GRM7: variants seen among roughly 807,000 people sequenced by gnomAD.
The protein encoded by GRM7 is glutamate metabotropic receptor 7.
Under a neutral mutation model 84.5 loss-of-function variants are expected in GRM7, and 35 were observed. That is an observed-to-expected ratio of 0.41 (90% confidence interval 0.32 to 0.55). The LOEUF (loss-of-function observed/expected upper bound fraction) is 0.55, where lower values mean the gene tolerates loss of function less well. GRM7 is among the 20% of genes least tolerant of loss of function. The pLI, the probability that GRM7 is intolerant of heterozygous loss-of-function variation, is 0.19. For missense variants in GRM7, 1,003 were observed against 1,194.6 expected (o/e 0.84, Z 2.36); for synonymous variants, 487 against 455.1 (o/e 1.07, Z -0.89).
chr3:6,868,824 A>C (rs775714368), intron 1 of GRM7, among the ~76,000 whole-genome samples: 9 of 152,138 alleles, frequency 5.9e-5, no homozygotes, highest in Non-Finnish European at 1.3e-4. Context: ...TTTCAGTTTA[A>C]TGGGTTATTT....
intron 6 of GRM7, among the ~76,000 whole-genome samples, chr3:7,454,012 G>A (rs975876274): frequency 6.6e-6 from 1 of 151,630 alleles, no homozygotes; most frequent in African/African-American, 2.4e-5. Context: ...TGTTTTCTGA[G>A]GCCTAAAGTG....
intron 3 of GRM7, 126 bp from the exon 4 acceptor site, chr3:7,306,372 C>T (rs1700194558): frequency 1.4e-6 from 1 of 731,492 alleles, no homozygotes; most frequent in African/African-American, 1.8e-5. Context: ...AATTCTTTAT[C>T]AAGTTTTTTG....
chr3:7,233,065 C>A (rs1437551455), intron 2 of GRM7, among the ~76,000 whole-genome samples: 1 of 152,086 alleles, frequency 6.6e-6, no homozygotes. Flanking sequence ...ACATTTAAAG[C>A]TATTACCAAG....
intron 1 of GRM7, among the ~76,000 whole-genome samples, chr3:7,072,111 G>C (rs1325505437): frequency 6.6e-6 from 1 of 152,052 alleles, no homozygotes; most frequent in Non-Finnish European, 1.5e-5. Context: ...CCAGGTGACC[G>C]TAATATGCCC....
chr3:7,573,886 T>C (rs572988009), intron 7 of GRM7, among the ~76,000 whole-genome samples: 1 of 152,336 alleles, frequency 6.6e-6, no homozygotes, highest in African/African-American at 2.4e-5. Flanking sequence ...TAAGAAGGTT[T>C]GCATGTACCA....
intron 2 of GRM7, among the ~76,000 whole-genome samples, chr3:7,230,317 T>C (rs1312884792): frequency 2.0e-5 from 3 of 152,194 alleles, no homozygotes; most frequent in Non-Finnish European, 4.4e-5. Context: ...ATCATGGATA[T>C]GCTTATTGTT....
intron 8 of GRM7, among the ~76,000 whole-genome samples, chr3:7,613,278 C>T (rs772785857): frequency 6.6e-6 from 1 of 152,170 alleles, no homozygotes; most frequent in East Asian, 1.9e-4. Context: ...AGATTTCCCT[C>T]CATAGCTGTT....
At chr3:7,099,462 AATAC>A (rs1456016775) in intron 1 of GRM7, among the ~76,000 whole-genome samples, 1 of 141,964 alleles carries the variant, frequency 7.0e-6, no homozygotes, top group Non-Finnish European at 1.5e-5. Flanking sequence ...TGTACATACA[AATAC>A]ATATACACAT....
chr3:6,893,274 G>T (rs1302813256), intron 1 of GRM7, among the ~76,000 whole-genome samples: 3 of 152,144 alleles, frequency 2.0e-5, no homozygotes, highest in Non-Finnish European at 2.9e-5. Flanking sequence ...TAACTCAGAA[G>T]CTCTGGGGTT....
chr3:6,955,150 G>A (rs1314406711), intron 1 of GRM7, among the ~76,000 whole-genome samples: 2 of 152,128 alleles, frequency 1.3e-5, no homozygotes, highest in Non-Finnish European at 2.9e-5. Context: ...TCTTTTATTT[G>A]GCCTTCTGTA....
intron 7 of GRM7, among the ~76,000 whole-genome samples, chr3:7,472,609 C>A (rs1309275423): frequency 6.6e-6 from 1 of 152,186 alleles, no homozygotes; most frequent in African/African-American, 2.4e-5. Flanking sequence ...AGGGTCCTTG[C>A]AGATGGCATA....
At chr3:7,003,593 A>G (rs139266008) in intron 1 of GRM7, among the ~76,000 whole-genome samples, 122 of 152,310 alleles carry the variant, frequency 8.0e-4, no homozygotes, top group Middle Eastern at 3.4e-3. Flanking sequence ...GAAATGAGTC[A>G]CTAAGCTAGT....
chr3:7,306,795 G>A (rs1700209229), intron 4 of GRM7, 143 bp downstream of exon 4: 3 of 596,506 alleles, frequency 5.0e-6, no homozygotes, highest in East Asian at 3.1e-5. Context: ...AAATGCAAAT[G>A]AGGCCACACA....
chr3:7,463,687 A>G (rs745776339), intron 7 of GRM7, among the ~76,000 whole-genome samples: 1 of 152,222 alleles, frequency 6.6e-6, no homozygotes, highest in South Asian at 2.1e-4. Flanking sequence ...CAGCAAAGTG[A>G]AAACTAGAGT....
chr3:7,185,791 A>G (rs765619183), intron 2 of GRM7, among the ~76,000 whole-genome samples: 1 of 152,196 alleles, frequency 6.6e-6, no homozygotes, highest in Non-Finnish European at 1.5e-5. Flanking sequence ...ACAGGTCAAC[A>G]TGGGAGAACT....
At chr3:7,346,345 T>G (rs571662305) in intron 4 of GRM7, among the ~76,000 whole-genome samples, 1 of 152,266 alleles carries the variant, frequency 6.6e-6, no homozygotes, top group South Asian at 2.1e-4. Flanking sequence ...AATTTGTGAT[T>G]TCCAAAAGTC....
rs114859553 is a variant in GRM7, at chr3:7,602,399, A to G, written c.2451+23042A>G. Among the ~76,000 whole-genome samples the G allele has an allele frequency of 2.8e-3, 426 of 152,260 alleles. 1 individual carries two copies. Among genetic ancestry groups the G allele is most frequent in the African/African-American group, 9.7e-3 (403 of 41,564 alleles). On this transcript the variant is annotated intron_variant, in intron 8 of 9. Coordinates refer to ENST00000357716, the MANE Select transcript of GRM7 (RefSeq NM_000844.4). Reference sequence around the variant, plus strand: ...TGTTTTCTCATGTTTTGTTCTTCATATTAATTTAGTATCCATCTCTCTGAT... The same window carrying G: ...TGTTTTCTCATGTTTTGTTCTTCATGTTAATTTAGTATCCATCTCTCTGAT...
chr3:7,650,213 C>T (rs1698865751), intron 8 of GRM7, among the ~76,000 whole-genome samples: 1 of 152,150 alleles, frequency 6.6e-6, no homozygotes, highest in African/African-American at 2.4e-5. Flanking sequence ...TGCTATAAGC[C>T]CATGAGCTAC....
At chr3:7,551,211 T>C (rs891504142) in intron 7 of GRM7, among the ~76,000 whole-genome samples, 37 of 152,150 alleles carry the variant, frequency 2.4e-4, no homozygotes, top group African/African-American at 8.4e-4. Flanking sequence ...GGAAAATTTG[T>C]TTTCTGCTCA....
Sources: gnomAD v4.1 joint callset for allele counts (sites outside exome capture counted in the v4.1 genomes callset) on GRCh38, gnomAD v4.1.1 for gene constraint, MANE v1.5 for transcripts, NCBI Gene and HGNC (gene_info 2026-07-23, HGNC 2026-07-21) for gene names.